Variants in SVIL observed in about 807,000 individuals in gnomAD.
The protein encoded by SVIL is supervillin.
SVIL carries 101 observed loss-of-function variants against 240.4 expected under a neutral mutation model. That is an observed-to-expected ratio of 0.42 (90% confidence interval 0.36 to 0.50). The LOEUF (loss-of-function observed/expected upper bound fraction) is 0.50. Among genes scored for constraint, SVIL ranks in the 20% least tolerant of loss-of-function variants. The pLI is 0.01. For missense variants in SVIL, 2,512 were observed against 2,818.7 expected, an observed-to-expected ratio of 0.89 and a Z score of 2.46; for synonymous variants, 999 against 1,100.0, an observed-to-expected ratio of 0.91 and a Z score of 1.82.
At chr10:29,559,861 C>A (rs114099565) in intron 3 of SVIL, among the ~76,000 whole-genome samples, 2,222 of 152,330 alleles carry the variant, frequency 0.015, 47 homozygotes, top group African/African-American at 0.048. Flanking sequence ...AAGTTATTTA[C>A]AACCACCTAA....
chr10:29,640,523 C>T (rs1002362822), intron 3 of SVIL, among the ~76,000 whole-genome samples: 14 of 152,242 alleles, frequency 9.2e-5, no homozygotes, highest in African/African-American at 2.9e-4. Context: ...TGATTGATTC[C>T]CTGAAGTTCA....
intron 1 of SVIL, among the ~76,000 whole-genome samples, chr10:29,577,034 C>T (rs1022944385): frequency 3.9e-5 from 6 of 152,090 alleles, no homozygotes; most frequent in African/African-American, 1.2e-4. Context: ...GCACGCTCCA[C>T]CATGCCCAGT....
intron 1 of SVIL, among the ~76,000 whole-genome samples, chr10:29,692,694 T>C (rs1589523743): frequency 2.6e-5 from 4 of 151,894 alleles, no homozygotes; most frequent in Admixed American, 2.6e-4. Context: ...GGTCTCCCTA[T>C]GTTGCCCAGA....
In SVIL at chr10:29,484,330, G is replaced by A. The variant is rs10826638; in HGVS notation, c.4955+326C>T. 0.095 allele frequency among the ~76,000 whole-genome samples: 14,427 copies of A among 152,168 alleles called. 858 individuals carry two copies. Among genetic ancestry groups the A allele is most frequent in the Non-Finnish European group, 0.13 (8,987 of 67,986 alleles). On this transcript the variant is annotated intron_variant, in intron 27 of 37. Transcript: ENST00000355867. The surrounding 1 kb of genome is among the most constrained non-coding windows in gnomAD (Gnocchi z 4.7). Reference sequence around the variant, plus strand: ...AGACCCGGGGAAGCCTTTCAGATCCGCATGTAATTTGTTTAAACAATTGCT... The same window carrying A: ...AGACCCGGGGAAGCCTTTCAGATCCACATGTAATTTGTTTAAACAATTGCT...
intron 1 of SVIL, among the ~76,000 whole-genome samples, chr10:29,694,983 G>A (rs1189664100): frequency 6.6e-6 from 1 of 152,140 alleles, no homozygotes; most frequent in East Asian, 1.9e-4. Flanking sequence ...CCTCCATTCT[G>A]CATGCCTCGC....
intron 1 of SVIL, among the ~76,000 whole-genome samples, chr10:29,726,474 C>T (rs79311943): frequency 0.11 from 16,926 of 152,028 alleles, 1,051 homozygotes; most frequent in South Asian, 0.22. Context: ...TGGCCGGGCA[C>T]GGTGGCTCAT....
intron 1 of SVIL, among the ~76,000 whole-genome samples, chr10:29,614,182 G>C (rs1223873563): frequency 6.6e-6 from 1 of 151,864 alleles, no homozygotes; most frequent in Non-Finnish European, 1.5e-5. Context: ...GGAAATCATA[G>C]GCTCAAATCA....
chr10:29,495,283 A>T lies in SVIL; in HGVS notation c.3665-102T>A, dbSNP rs111571494. 936 of 657,438 alleles carry T rather than the reference A, an allele frequency of 1.4e-3. 49 individuals are homozygous for T. In the African/African-American group the frequency reaches 0.019, roughly 13 times the overall value. The allele number at this position is 657,438 out of a possible 1,614,324, so 40.7% of individuals were successfully genotyped here. A position where few individuals can be genotyped will look rare whatever the true frequency, so the allele number is the denominator to read the frequency against. On this transcript the variant is annotated intron_variant, in intron 18 of 37. Coordinates refer to ENST00000355867, the MANE Select transcript of SVIL (RefSeq NM_021738.3). ...GAAATCCCAGGGTAGACGGCACAACATATAAGAATTTACACACATGCAGGC... is the reference window on the plus strand; with the variant it reads ...GAAATCCCAGGGTAGACGGCACAACTTATAAGAATTTACACACATGCAGGC...
intron 16 of SVIL, among the ~76,000 whole-genome samples, chr10:29,519,387 A>G (rs1371362204): frequency 6.6e-6 from 1 of 152,198 alleles, no homozygotes; most frequent in Admixed American, 6.5e-5. Flanking sequence ...CTTTGGTAAA[A>G]TGAGGCAGTC....
chr10:29,606,229 G>C (rs1957017870), intron 1 of SVIL, among the ~76,000 whole-genome samples: 1 of 151,944 alleles, frequency 6.6e-6, no homozygotes, highest in Admixed American at 6.6e-5. Context: ...AATTTCTGTA[G>C]AGATGGAGTC....
chr10:29,736,172 C>A (rs1439953388), upstream of SVIL, among the ~76,000 whole-genome samples: 2 of 152,172 alleles, frequency 1.3e-5, no homozygotes, highest in Non-Finnish European at 2.9e-5. Flanking sequence ...CCCCAGGACA[C>A]GAACTCGCGC....
Position 29,522,649 on chromosome 10 carries a change from G to A in SVIL, c.3164-14C>T, listed in dbSNP as rs1317992430. 6 of 1,612,018 alleles carry A rather than the reference G, an allele frequency of 3.7e-6. No homozygotes were observed. The South Asian group carries it at 6.6e-5, about 18-fold the overall frequency. On this transcript the variant is annotated splice_polypyrimidine_tract_variant and intron_variant, in intron 15 of 37. Coordinates refer to ENST00000355867, the MANE Select transcript of SVIL (RefSeq NM_021738.3). ...CGAACTCTGCCGCTGGGAAGGAAAA[G>A]AGCAACATCAGCACTGAACTCCTCA...
In SVIL at chr10:29,641,104, T is replaced by C. The variant is rs190723917; in HGVS notation, c.-201+16865A>G. On this transcript the variant is annotated intron_variant, in intron 3 of 35. Coordinates refer to the SVIL transcript ENST00000375400. ...GATCCTGGCCCATATGGCAAACTTATAAAATTAAATTTGTTAAAGGGGGCT... is the reference window on the plus strand; with the variant it reads ...GATCCTGGCCCATATGGCAAACTTACAAAATTAAATTTGTTAAAGGGGGCT... Among the ~76,000 whole-genome samples, 286 of 152,282 alleles carry C rather than the reference T, an allele frequency of 1.9e-3. 1 individual carries two copies. The highest frequency in any genetic ancestry group is 3.3e-3 in the Non-Finnish European group (227 of 68,032).
At chr10:29,531,065 C>T (rs1358608184) in intron 10 of SVIL, among the ~76,000 whole-genome samples, 189 bp downstream of exon 10, 1 of 152,158 alleles carries the variant, frequency 6.6e-6, no homozygotes, top group African/African-American at 2.4e-5. Flanking sequence ...TAACTGCTCT[C>T]AAAAAGAAGG....
chr10:29,715,859 C>T (rs1350823626), intron 1 of SVIL, among the ~76,000 whole-genome samples: 1 of 152,250 alleles, frequency 6.6e-6, no homozygotes, highest in Non-Finnish European at 1.5e-5. Flanking sequence ...CTGGCCTGTG[C>T]TGTCCAATAC....
intron 2 of SVIL, among the ~76,000 whole-genome samples, chr10:29,677,619 A>G (rs568461792): frequency 6.6e-6 from 1 of 152,176 alleles, no homozygotes; most frequent in African/African-American, 2.4e-5. Context: ...AACAGGTCTC[A>G]CTATATTGCC....
chr10:29,524,896 C>A (rs938035112), intron 13 of SVIL, among the ~76,000 whole-genome samples, 181 bp from the exon 14 acceptor site: 4 of 151,904 alleles, frequency 2.6e-5, no homozygotes, highest in Non-Finnish European at 4.4e-5. Flanking sequence ...CGGCACAGGA[C>A]ACTTAGCATC....
intron 1 of SVIL, among the ~76,000 whole-genome samples, chr10:29,606,084 T>C (rs1274106139): frequency 6.6e-6 from 1 of 152,062 alleles, no homozygotes; most frequent in African/African-American, 2.4e-5. Context: ...TTAATTTTTG[T>C]ATTTTTGGTA....
At chr10:29,674,310 G>A (rs1407767352) in intron 2 of SVIL, among the ~76,000 whole-genome samples, 1 of 152,114 alleles carries the variant, frequency 6.6e-6, no homozygotes, top group Non-Finnish European at 1.5e-5. Context: ...CAGCCTGGGT[G>A]ACAAAATGAG....
Sources: gnomAD v4.1 joint callset for allele counts (sites outside exome capture counted in the v4.1 genomes callset) on GRCh38, gnomAD v4.1.1 for gene constraint, Gnocchi (gnomAD v3.1) non-coding constraint, MANE v1.5 for transcripts, NCBI Gene and HGNC (gene_info 2026-07-23, HGNC 2026-07-21) for gene names.